Variants in NRP2 observed in about 807,000 individuals in gnomAD.
The protein encoded by NRP2 is neuropilin-2.
A neutral mutation model predicts 110.4 loss-of-function variants in NRP2; 52 were observed. The ratio of observed to expected loss-of-function variants is 0.47; its 90% CI spans 0.38 to 0.59. NRP2 has a LOEUF of 0.59. NRP2 is among the 20% of genes least tolerant of loss of function. The probability of loss-of-function intolerance (pLI) is 0.00; values close to 1 mark genes in which losing one functional copy is unlikely to be tolerated. For synonymous variants in NRP2, 508 were observed against 468.9 expected (o/e 1.08, Z -1.08); for missense variants, 1,049 against 1,203.0 (o/e 0.87, Z 1.89).
chr2:205,739,160 G>A (rs533302986), intron 7 of NRP2, among the ~76,000 whole-genome samples: 2 of 152,208 alleles, frequency 1.3e-5, no homozygotes, highest in Admixed American at 6.5e-5. Context: ...CCTCCATTCA[G>A]CCCATGCCTG....
Position 205,729,013 on chromosome 2 carries a change from G to A in NRP2, c.1146+967G>A, listed in dbSNP as rs565257276. Among the ~76,000 whole-genome samples, 12 of 152,332 alleles carry A rather than the reference G, an allele frequency of 7.9e-5. No homozygotes were observed. The South Asian group carries it at 2.1e-3, about 26-fold the overall frequency. On this transcript the variant is annotated intron_variant, in intron 7 of 16. Transcript: ENST00000357785. ...TTCCACCAAGCCCTGGTCTGTCAGA[G>A]TGTGAATTATCAAAATGGGGCACAT...
At chr2:205,754,471 G>C (rs1056146160) in intron 12 of NRP2, among the ~76,000 whole-genome samples, 1 of 152,170 alleles carries the variant, frequency 6.6e-6, no homozygotes, top group Non-Finnish European at 1.5e-5. Context: ...TGCTCAGAGA[G>C]ATTAATATCT....
rs1249491880 is a variant in NRP2 at position 205,763,645 on chromosome 2, G to T, written c.2045-29G>T. On this transcript the variant is annotated intron_variant, in intron 12 of 16. Transcript: ENST00000357785. The surrounding 1 kb of genome is among the most constrained non-coding windows in gnomAD (Gnocchi z 4.0). ...GGTGTCTTTCCCGAGTGTTTATGGA[G>T]AACCTCTGTTTGGGTTTGTTTCTGC... The T allele has an allele frequency of 6.2e-7, 1 of 1,613,866 alleles. No homozygotes were observed. Among genetic ancestry groups the T allele is most frequent in the Non-Finnish European group, 8.5e-7 (1 of 1,180,008 alleles).
chr2:205,690,620 ACACACACAC>A (rs1451970126), intron 1 of NRP2, among the ~76,000 whole-genome samples: 1 of 143,354 alleles, frequency 7.0e-6, no homozygotes, highest in African/African-American at 2.8e-5. Flanking sequence ...ACACACACAC[ACACACACAC>A]AATAGCTGGG....
chr2:205,748,083 T>A (rs72941240), intron 10 of NRP2, among the ~76,000 whole-genome samples: 3,044 of 152,046 alleles, frequency 0.02, 55 homozygotes, highest in Middle Eastern at 0.054. Context: ...TGCCCGCCGT[T>A]CCTCCACTTT....
intron 1 of NRP2, among the ~76,000 whole-genome samples, chr2:205,692,844 C>G (rs1175420424): frequency 6.6e-6 from 1 of 152,126 alleles, no homozygotes; most frequent in Non-Finnish European, 1.5e-5. Context: ...CCCCACCTCA[C>G]TACATGGGCT....
At chr2:205,727,315 T>A (rs1462289590) in intron 6 of NRP2, among the ~76,000 whole-genome samples, 1 of 152,146 alleles carries the variant, frequency 6.6e-6, no homozygotes, top group Non-Finnish European at 1.5e-5. Context: ...ATGTTGGCCA[T>A]CCTCCTCATA....
chr2:205,709,625 TC>T (rs2056758053), intron 2 of NRP2, among the ~76,000 whole-genome samples: 1 of 152,204 alleles, frequency 6.6e-6, no homozygotes, highest in South Asian at 2.1e-4. Flanking sequence ...CACAACACCC[TC>T]TTAGGTATGT....
intron 15 of NRP2, among the ~76,000 whole-genome samples, chr2:205,775,206 C>T (rs1219147654): frequency 1.3e-5 from 2 of 152,164 alleles, no homozygotes; most frequent in Non-Finnish European, 2.9e-5. Flanking sequence ...CTCAAAAGCT[C>T]CTAGTCCCTT....
At chr2:205,694,834 G>C (rs1346843405) in intron 1 of NRP2, among the ~76,000 whole-genome samples, 1 of 152,216 alleles carries the variant, frequency 6.6e-6, no homozygotes, top group African/African-American at 2.4e-5. Context: ...GAATGATTAA[G>C]TGTGTTTTCT....
At chr2:205,749,512 C>T (rs2105889403) in intron 10 of NRP2, among the ~76,000 whole-genome samples, 1 of 152,266 alleles carries the variant, frequency 6.6e-6, no homozygotes, top group Non-Finnish European at 1.5e-5. Context: ...GTGTCCCTAC[C>T]TCTGTCACTG....
At chr2:205,720,612 G>T (rs938712004) in intron 3 of NRP2, among the ~76,000 whole-genome samples, 1 of 152,188 alleles carries the variant, frequency 6.6e-6, no homozygotes, top group Non-Finnish European at 1.5e-5. Context: ...CATGTGTGAG[G>T]CTCAGCTGAG....
chr2:205,729,059 CA>C (rs2057185599), intron 7 of NRP2, among the ~76,000 whole-genome samples: 2 of 152,292 alleles, frequency 1.3e-5, no homozygotes, highest in Non-Finnish European at 2.9e-5. Context: ...CTAGGGAGGC[CA>C]AAGATCTTTT....
In NRP2 at chr2:205,749,773, A is replaced by G. The variant is rs1400681791; in HGVS notation, c.1835A>G (p.Glu612Gly). ...CTGGGACCCACTGTGAAGAGCGAAG[A>G]GACAACCACCCCCTACCCCACCGAA... Reference protein sequence around the residue: ...ETLGPTVKSEETTTPYPTEEE... With the variant: ...ETLGPTVKSEGTTTPYPTEEE... Residue 612 changes from glutamate (E) to glycine (G), a missense_variant, in exon 11 of 17, where the codon GAG becomes GGG. Physicochemically the swap from Glu to Gly is moderately conservative, Grantham distance 98 (BLOSUM62 -2). Coordinates refer to ENST00000357785, the MANE Select transcript of NRP2 (RefSeq NM_003872.3). 4.3e-6 allele frequency: 7 copies of G among 1,614,082 alleles called. No individual in the cohort carries two copies. In the Admixed American group the frequency reaches 6.7e-5, roughly 15 times the overall value.
intron 1 of NRP2, among the ~76,000 whole-genome samples, chr2:205,692,327 TA>T (rs2056330925): frequency 6.6e-6 from 1 of 152,214 alleles, no homozygotes; most frequent in Non-Finnish European, 1.5e-5. Context: ...CTTCCCAGCT[TA>T]AGCCAAGATA....
chr2:205,768,502 A>G (rs1029167569), intron 15 of NRP2: 1 of 152,216 alleles, frequency 6.6e-6, no homozygotes, highest in Non-Finnish European at 1.5e-5. Flanking sequence ...TGACAAGTAC[A>G]GTGGCTAAGT....
chr2:205,770,756 T>C (rs2058008959), intron 15 of NRP2, among the ~76,000 whole-genome samples: 1 of 152,158 alleles, frequency 6.6e-6, no homozygotes, highest in Non-Finnish European at 1.5e-5. Flanking sequence ...GTGTGAATCC[T>C]CCTCCTTGCC....
At chr2:205,760,029 A>G (rs957886372) in intron 12 of NRP2, among the ~76,000 whole-genome samples, 1 of 152,196 alleles carries the variant, frequency 6.6e-6, no homozygotes, top group Non-Finnish European at 1.5e-5. Flanking sequence ...TCCAATGAGG[A>G]TTCAAATCCT....
rs953447873 is a variant in NRP2 at position 205,733,186 on chromosome 2, A to T, written c.1146+5140A>T. 3.3e-5 allele frequency among the ~76,000 whole-genome samples: 5 copies of T among 152,024 alleles called. No individual in the cohort carries two copies. The South Asian group carries it at 1.0e-3, about 32-fold the overall frequency. On this transcript the variant is annotated intron_variant, in intron 7 of 16. Coordinates refer to ENST00000357785, the MANE Select transcript of NRP2 (RefSeq NM_003872.3). ...CTCCACTTAGGAAGCTCAGGGGAAA[A>T]TTTCATTATACAGAAGCTTGAACCT...
Sources: gnomAD v4.1 joint callset for allele counts (sites outside exome capture counted in the v4.1 genomes callset) on GRCh38, gnomAD v4.1.1 for gene constraint, Gnocchi (gnomAD v3.1) non-coding constraint, MANE v1.5 for transcripts, NCBI Gene and HGNC (gene_info 2026-07-23, HGNC 2026-07-21) for gene names.